CACNA1E: variants seen among roughly 807,000 people sequenced by gnomAD.
The protein encoded by CACNA1E is voltage-dependent R-type calcium channel subunit alpha-1E.
CACNA1E carries 40 observed loss-of-function variants against 259.2 expected under a neutral mutation model. The observed-to-expected ratio is 0.15, with a 90% CI of 0.12 to 0.20. The LOEUF is 0.20. Ranked by LOEUF, CACNA1E falls within the 10% of genes least tolerant of loss-of-function variation. The probability of loss-of-function intolerance (pLI) is 1.00; values close to 1 mark genes in which losing one functional copy is unlikely to be tolerated. For missense variants in CACNA1E, 1,874 were observed against 3,040.1 expected, an observed-to-expected ratio of 0.62 and a Z score of 9.02; for synonymous variants, 1,104 against 1,138.5, an observed-to-expected ratio of 0.97 and a Z score of 0.61.
chr1:181,489,970 T>A (rs1664171526), intron 1 of CACNA1E, among the ~76,000 whole-genome samples: 1 of 152,216 alleles, frequency 6.6e-6, no homozygotes, highest in Non-Finnish European at 1.5e-5. Flanking sequence ...GGTTCACCCA[T>A]CAGTCATGTT....
At chr1:181,450,679 G>T (rs548060072) in intron 2 of CACNA1E, among the ~76,000 whole-genome samples, 1 of 152,172 alleles carries the variant, frequency 6.6e-6, no homozygotes, top group Non-Finnish European at 1.5e-5. Context: ...TATAGGCCAG[G>T]TGCAGAAATT....
In CACNA1E at chr1:181,653,483, A is replaced by C. The variant is rs538088681; in HGVS notation, c.1055+2042A>C. On this transcript the variant is annotated intron_variant, in intron 7 of 47. Transcript: ENST00000367573. ...CCCAGCCACGTGGAACTGTGAGTCC[A>C]TGAAACGTCTTTCTTTTGTAAATGC... is the stretch of plus-strand genomic sequence containing the variant. Among the ~76,000 whole-genome samples, 46 of 152,356 alleles carry C rather than the reference A, an allele frequency of 3.0e-4. No homozygotes were observed. In the South Asian group the frequency reaches 9.1e-3, roughly 30 times the overall value.
At position 181,349,640 on chromosome 1, in the gene CACNA1E, T is replaced by A. The variant is rs867202841; in HGVS notation, c.-15+31517T>A. 3.0e-4 allele frequency among the ~76,000 whole-genome samples: 45 copies of A among 152,012 alleles called. 1 individual carries two copies. Among genetic ancestry groups the A allele is most frequent in the African/African-American group, 1.1e-3 (45 of 41,390 alleles). ...AGAGGCGGGGCTGGGCCTGAGTTAC[T>A]GAGACAGGCCTGTGTAGGAAGTACT... On this transcript the variant is annotated intron_variant, in intron 1 of 11. Transcript: ENST00000524607.
In CACNA1E at chr1:181,762,532, C is replaced by A. The variant is rs757954575; in HGVS notation, c.4606-42C>A. On this transcript the variant is annotated intron_variant, in intron 32 of 47. Coordinates refer to ENST00000367573, the MANE Select transcript of CACNA1E (RefSeq NM_001205293.3). ...AGATGTCTTTTCTCCTTTTTTTTTT[C>A]TTTCCTTTTCTGATGTTCCTATGAC... 6 of 1,048,456 alleles carry A rather than the reference C, an allele frequency of 5.7e-6. No individual in the cohort carries two copies. In the East Asian group the frequency reaches 7.5e-5, roughly 13 times the overall value. The allele number at this position is 1,048,456 out of a possible 1,614,324, so 64.9% of individuals were successfully genotyped here. A position where few individuals can be genotyped will look rare whatever the true frequency, so the allele number is the denominator to read the frequency against.
At chr1:181,615,948 AG>A (rs768905393) in intron 6 of CACNA1E, among the ~76,000 whole-genome samples, 16 of 152,246 alleles carry the variant, frequency 1.1e-4, no homozygotes, top group Admixed American at 6.5e-5. Flanking sequence ...AATAAACACA[AG>A]TTGAACTTTA....
In CACNA1E at chr1:181,772,160, G is replaced by A. The variant is rs569085430; in HGVS notation, c.5068G>A (p.Glu1690Lys). 8.1e-6 allele frequency: 13 copies of A among 1,613,976 alleles called. No individual in the cohort carries two copies. Among genetic ancestry groups the A allele is most frequent in the Admixed American group, 5.0e-5 (3 of 60,018 alleles). ...PDTTAPSGQN[E>K]NERCGTDLAY... The stretch of plus-strand genomic sequence containing the variant: ...CACCACCGCACCATCAGGGCAGAAC[G>A]AGAACGAACGCTGCGGCACCGATCT... Residue 1690 changes from glutamate (E) to lysine (K), a missense_variant, in exon 37 of 48, where the codon GAG becomes AAG. By Grantham distance (56) the Glu-to-Lys change is moderately conservative. This residue lies in a region of CACNA1E where 147 missense variants were observed against 337.1 expected (regional missense o/e 0.44). Transcript: ENST00000367573.
chr1:181,734,421 A>G (rs539432443), intron 21 of CACNA1E, among the ~76,000 whole-genome samples: 2 of 149,730 alleles, frequency 1.3e-5, no homozygotes, highest in East Asian at 3.9e-4. Flanking sequence ...CCTACATCCC[A>G]TCCCTGTATT....
At chr1:181,460,680 G>C (rs907117725) in intron 2 of CACNA1E, among the ~76,000 whole-genome samples, 1 of 152,142 alleles carries the variant, frequency 6.6e-6, no homozygotes, top group African/African-American at 2.4e-5. Flanking sequence ...GTAACTCTCC[G>C]CCTTCATCTG....
chr1:181,471,796 A>T (rs1009239864), intron 2 of CACNA1E, among the ~76,000 whole-genome samples: 3 of 152,178 alleles, frequency 2.0e-5, no homozygotes, highest in African/African-American at 7.2e-5. Context: ...TGCAAATATA[A>T]CAATAATACC....
intron 2 of CACNA1E, among the ~76,000 whole-genome samples, chr1:181,416,494 T>A (rs1467959385): frequency 2.0e-5 from 3 of 152,194 alleles, no homozygotes; most frequent in Non-Finnish European, 4.4e-5. Flanking sequence ...TTTAACTCTT[T>A]GGGGCACGGT....
chr1:181,579,304 C>T (rs1199101814), intron 5 of CACNA1E, 80 bp downstream of exon 5: 1 of 1,213,584 alleles, frequency 8.2e-7, no homozygotes, highest in Admixed American at 2.2e-5. Context: ...CTTGGAGGCT[C>T]ATTGGAAAAG....
chr1:181,623,456 G>A (rs1397697093), intron 6 of CACNA1E, among the ~76,000 whole-genome samples: 13 of 151,984 alleles, frequency 8.6e-5, no homozygotes, highest in Admixed American at 8.5e-4. Flanking sequence ...TATTTTTTGG[G>A]CCCATAAATT....
intron 43 of CACNA1E, among the ~76,000 whole-genome samples, chr1:181,788,570 T>C (rs1661038176): frequency 6.6e-6 from 1 of 152,076 alleles, no homozygotes; most frequent in African/African-American, 2.4e-5. Context: ...TCTACTAAAA[T>C]CTCGAGGCAG....
At chr1:181,567,358 G>T (rs1354229754) in intron 3 of CACNA1E, among the ~76,000 whole-genome samples, 3 of 152,004 alleles carry the variant, frequency 2.0e-5, no homozygotes, top group Non-Finnish European at 4.4e-5. Context: ...GTTATATATT[G>T]TCTGTGGTCT....
At chr1:181,699,103 G>C (rs1651984558) in intron 7 of CACNA1E, among the ~76,000 whole-genome samples, 1 of 152,182 alleles carries the variant, frequency 6.6e-6, no homozygotes, top group Non-Finnish European at 1.5e-5. Flanking sequence ...ATTACCAGTA[G>C]ATATGATCTG....
intron 3 of CACNA1E, among the ~76,000 whole-genome samples, chr1:181,572,336 G>A (rs936409895): frequency 1.3e-5 from 2 of 152,206 alleles, no homozygotes; most frequent in African/African-American, 2.4e-5. Flanking sequence ...GCCACAATGA[G>A]AAAGACTTGT....
At chr1:181,797,218 A>C (rs765461302) in intron 47 of CACNA1E, among the ~76,000 whole-genome samples, 2 of 152,190 alleles carry the variant, frequency 1.3e-5, no homozygotes, top group Non-Finnish European at 2.9e-5. Context: ...ATTTGTGAGA[A>C]TTGTGATTCA....
intron 3 of CACNA1E, among the ~76,000 whole-genome samples, chr1:181,520,461 A>G (rs1352098979): frequency 1.3e-5 from 2 of 152,250 alleles, no homozygotes; most frequent in Admixed American, 6.5e-5. Context: ...GAAAAAAACC[A>G]GCATATAAAA....
intron 2 of CACNA1E, among the ~76,000 whole-genome samples, chr1:181,444,741 C>T (rs1660700626): frequency 1.3e-5 from 2 of 152,198 alleles, no homozygotes; most frequent in South Asian, 2.1e-4. Context: ...GATTCATCTG[C>T]TGATTCAGGC....
Sources: allele counts gnomAD v4.1 joint callset (sites outside exome capture counted in the v4.1 genomes callset), GRCh38; gene constraint gnomAD v4.1.1; regional missense constraint gnomAD v4.1.1; transcripts MANE v1.5; gene names NCBI Gene and HGNC (gene_info 2026-07-23, HGNC 2026-07-21).